Variants in TCF20 observed in about 807,000 individuals in gnomAD.
The protein encoded by TCF20 is SPRE-binding protein.
TCF20 carries 3 observed loss-of-function variants against 148.6 expected under a neutral mutation model. That is an observed-to-expected ratio of 0.02 (90% CI 0.01 to 0.05). The LOEUF is 0.05. TCF20 is among the 10% of genes least tolerant of loss of function. The pLI is 1.00. For synonymous variants in TCF20, 1,049 were observed against 909.5 expected (o/e 1.15, Z -2.76); for missense variants, 2,350 against 2,429.3 (o/e 0.97, Z 0.69).
In TCF20 at chr22:42,213,496, C is replaced by G. The variant is rs753091265; in HGVS notation, c.1810G>C (p.Val604Leu). The G allele has an allele frequency of 3.7e-6, 6 of 1,614,234 alleles. No homozygotes were observed. In the South Asian group the frequency reaches 5.5e-5, roughly 15 times the overall value. ...GCTTCCCGGGAGACAATCACCCCAA[C>G]AGTCTTCTCATTAACCTTTGGGTTC... The part of the protein sequence containing the change: ...DGNPKVNEKT[V>L]GVIVSREAMT... The change falls in exon 2 of 6, where the codon GTT becomes CTT. Residue 604 changes from valine (V) to leucine (L), a missense_variant. Val to Leu is a conservative substitution (Grantham distance 32). Transcript: ENST00000677622.
intron 5 of TCF20, among the ~76,000 whole-genome samples, chr22:42,163,772 C>T (rs555785786): frequency 2.6e-5 from 4 of 152,302 alleles, no homozygotes; most frequent in Admixed American, 6.5e-5. Context: ...AGCGACCTGC[C>T]GCCCCTGTGC....
At chr22:42,199,668 G>A (rs184088508) in intron 2 of TCF20, among the ~76,000 whole-genome samples, 2 of 121,986 alleles carry the variant, frequency 1.6e-5, no homozygotes, top group African/African-American at 3.2e-5. Flanking sequence ...TCAGCAGTTC[G>A]AGACCAGACT....
intron 3 of TCF20, among the ~76,000 whole-genome samples, chr22:42,179,265 G>A (rs1487360511): frequency 6.6e-6 from 1 of 151,914 alleles, no homozygotes; most frequent in Admixed American, 6.6e-5. Flanking sequence ...ATGCTTGCAT[G>A]TGAATGTTCT....
intron 1 of TCF20, among the ~76,000 whole-genome samples, chr22:42,259,663 C>G (rs1266558276): frequency 6.6e-6 from 1 of 152,168 alleles, no homozygotes; most frequent in Non-Finnish European, 1.5e-5. Flanking sequence ...CAAGTTTTGC[C>G]TCTCCTTGGC....
At chr22:42,275,823 A>T (rs940586673) in intron 1 of TCF20, among the ~76,000 whole-genome samples, 1 of 152,200 alleles carries the variant, frequency 6.6e-6, no homozygotes, top group African/African-American at 2.4e-5. Context: ...CCTGAATATG[A>T]AATGATCTAA....
chr22:42,253,188 AG>A (rs1223347141), intron 1 of TCF20, among the ~76,000 whole-genome samples: 1 of 152,336 alleles, frequency 6.6e-6, no homozygotes, highest in East Asian at 1.9e-4. Flanking sequence ...AGAATGCATT[AG>A]TTCACTCTTC....
chr22:42,183,107 T>C (rs1601539694), intron 2 of TCF20, among the ~76,000 whole-genome samples: 1 of 152,218 alleles, frequency 6.6e-6, no homozygotes, highest in Non-Finnish European at 1.5e-5. Flanking sequence ...TGATGTACAA[T>C]GCAGTTTGAG....
intron 1 of TCF20, among the ~76,000 whole-genome samples, chr22:42,313,945 C>T (rs974010370): frequency 2.6e-5 from 4 of 152,214 alleles, no homozygotes; most frequent in African/African-American, 4.8e-5. Flanking sequence ...CGGCTGTTCC[C>T]GCTGCCTGGA....
upstream of TCF20, among the ~76,000 whole-genome samples, chr22:42,273,011 A>G (rs552108341): frequency 7.9e-5 from 12 of 151,854 alleles, no homozygotes; most frequent in South Asian, 2.1e-3. Flanking sequence ...TATTTATTTA[A>G]AAGAAAAAAA....
At position 42,270,634 on chromosome 22, in the gene TCF20, C is replaced by T. The variant is rs1350310695; in HGVS notation, c.-332G>A. The stretch of plus-strand genomic sequence containing the variant: ...GCTCGGGGTTTTTTCTCTCCATTCT[C>T]CCAACACACAGGAAATAACAGAGCG... On this transcript the variant is annotated 5_prime_UTR_variant, in exon 1 of 6. Transcript: ENST00000677622. Among the ~76,000 whole-genome samples the T allele has an allele frequency of 6.9e-6, 1 of 145,126 alleles. No homozygotes were observed. Among genetic ancestry groups the T allele is most frequent in the Non-Finnish European group, 1.5e-5 (1 of 65,406 alleles).
rs1254503413 is a variant in TCF20, at chr22:42,179,507, A to AAAAAG, written c.5749+97_5749+101dup. The AAAAAG allele has an allele frequency of 7.0e-5, 53 of 762,414 alleles. No homozygotes were observed. The Middle Eastern group carries it at 1.0e-3, about 15-fold the overall frequency. The allele number at this position is 762,414 out of a possible 1,614,324, so 47.2% of individuals were successfully genotyped here. On this transcript the variant is annotated intron_variant, in intron 3 of 5. Coordinates refer to ENST00000677622, the MANE Select transcript of TCF20 (RefSeq NM_001378418.1). ...TGAAGTGACAAAAAAAAAAAAAAAA[A>AAAAAG]AAAAGAAAAGAAAAGAAAAAAAACA...
chr22:42,336,716 C>T (rs535117300), intron 1 of TCF20, among the ~76,000 whole-genome samples: 1 of 152,322 alleles, frequency 6.6e-6, no homozygotes, highest in South Asian at 2.1e-4. Context: ...TCCTTTCTGC[C>T]CCACACCCAG....
At chr22:42,341,684 C>T (rs1004241740) in intron 1 of TCF20, among the ~76,000 whole-genome samples, 3 of 150,564 alleles carry the variant, frequency 2.0e-5, no homozygotes, top group Non-Finnish European at 4.4e-5. Context: ...TCCTCAAAGA[C>T]CTGTGAGCTG....
At position 42,214,975 on chromosome 22, in the gene TCF20, G is replaced by A. The variant is rs1172143599; in HGVS notation, c.331C>T (p.Pro111Ser). 8.1e-6 allele frequency: 13 copies of A among 1,614,098 alleles called. No individual in the cohort carries two copies. The highest frequency in any genetic ancestry group is 1.7e-5 in the Admixed American group (1 of 60,008). The change falls in exon 2 of 6, where the codon CCT becomes TCT. Residue 111 changes from proline (P) to serine (S), a missense_variant. Pro to Ser is a moderately conservative substitution (Grantham distance 74). Coordinates refer to ENST00000677622, the MANE Select transcript of TCF20 (RefSeq NM_001378418.1). ...CCATAGCTCTGCACAGGCCCAGAAG[G>A]CCTTCGCTGAGGAGGCTGTGGGGTT... The part of the protein sequence containing the change: ...TGTPQPPQRR[P>S]SGPVQSYGPP...
At chr22:42,187,277 C>T (rs1937089960) in intron 2 of TCF20, among the ~76,000 whole-genome samples, 1 of 152,184 alleles carries the variant, frequency 6.6e-6, no homozygotes, top group Admixed American at 6.5e-5. Flanking sequence ...CCCATGAAAA[C>T]ACTCACACAA....
At position 42,212,618 on chromosome 22, in the gene TCF20, C is replaced by T; in HGVS notation, c.2688G>A (p.Arg896=). 1.2e-6 allele frequency: 2 copies of T among 1,614,168 alleles called. No homozygotes were observed. Among genetic ancestry groups the T allele is most frequent in the Non-Finnish European group, 8.5e-7 (1 of 1,180,006 alleles). ...GHMSADTRIG[R]NDRLNPTLSQ... is the part of the protein sequence containing the mutation. Reference sequence around the variant, plus strand: ...TTAAAGTTGGATTGAGACGGTCATTCCTCCCAATTCTGGTGTCGGCACTCA... The same window carrying T: ...TTAAAGTTGGATTGAGACGGTCATTTCTCCCAATTCTGGTGTCGGCACTCA... Residue 896 remains arginine (R), a synonymous_variant, in exon 2 of 6, where the codon AGG becomes AGA. Coordinates refer to ENST00000677622, the MANE Select transcript of TCF20 (RefSeq NM_001378418.1).
At chr22:42,342,473 T>C (rs1437410344) in intron 1 of TCF20, among the ~76,000 whole-genome samples, 1 of 152,192 alleles carries the variant, frequency 6.6e-6, no homozygotes, top group Non-Finnish European at 1.5e-5. Flanking sequence ...GACCCAAATG[T>C]TGGCCCGGGT....
Position 42,215,084 on chromosome 22 carries a change from A to G in TCF20, c.222T>C (p.Ser74=). The stretch of plus-strand genomic sequence containing the variant: ...TGAAACCCTGGTAACCTTGATGGCC[A>G]GAGGTCTCGCTAGCCATCGCTGCCG... The part of the protein sequence containing the change: ...AAAAAMASET[S]GHQGYQGFRK... Residue 74 remains serine (S), a synonymous_variant, in exon 2 of 6, where the codon TCT becomes TCC. Transcript: ENST00000677622. The G allele has an allele frequency of 6.2e-7, 1 of 1,614,214 alleles. No individual in the cohort carries two copies. The highest frequency in any genetic ancestry group is 1.3e-5 in the African/African-American group (1 of 75,050).
chr22:42,328,806 C>CG (rs1334790716), intron 1 of TCF20, among the ~76,000 whole-genome samples: 10 of 152,262 alleles, frequency 6.6e-5, no homozygotes, highest in South Asian at 4.2e-4. Flanking sequence ...TTGCCCCAGA[C>CG]GGGGGGGAAA....
Sources: allele counts gnomAD v4.1 joint callset (sites outside exome capture counted in the v4.1 genomes callset), GRCh38; gene constraint gnomAD v4.1.1; transcripts MANE v1.5; gene names NCBI Gene and HGNC (gene_info 2026-07-23, HGNC 2026-07-21).